Variants in F2R observed in about 807,000 individuals in gnomAD.
The protein encoded by F2R is coagulation factor II thrombin receptor.
A neutral mutation model predicts 18.3 loss-of-function variants in F2R; 12 were observed. The observed-to-expected ratio is 0.66, with a 90% CI of 0.42 to 1.06. The LOEUF is 1.06. F2R is among the 50% of genes least tolerant of loss of function. The probability of loss-of-function intolerance (pLI) is 0.00; values close to 1 mark genes in which losing one functional copy is unlikely to be tolerated. For synonymous variants in F2R, 210 were observed against 219.9 expected (o/e 0.95, Z 0.40); for missense variants, 438 against 530.8 (o/e 0.83, Z 1.72).
chr5:76,726,509 C>T (rs1286002396), intron 1 of F2R, among the ~76,000 whole-genome samples: 2 of 151,450 alleles, frequency 1.3e-5, no homozygotes, highest in African/African-American at 4.9e-5. Flanking sequence ...TGCAGTCCGG[C>T]CTGGGCGAAA....
chr5:76,724,916 A>G (rs1484808038), intron 1 of F2R, among the ~76,000 whole-genome samples: 2 of 152,238 alleles, frequency 1.3e-5, no homozygotes, highest in African/African-American at 4.8e-5. Flanking sequence ...AAAACATTCC[A>G]GTAATGCTGG....
At position 76,735,646 on chromosome 5, in the gene F2R, G is replaced by A. The variant is rs1748769788; in HGVS notation, c.*2143G>A. ...AAATCAGTGAAGATTTACTGTCATT[G>A]TTTATTAGTCTGTATATATTAAAAT... is the stretch of plus-strand genomic sequence containing the variant. On this transcript the variant is annotated 3_prime_UTR_variant, in exon 2 of 2. Coordinates refer to ENST00000319211, the MANE Select transcript of F2R (RefSeq NM_001992.5). The A allele has an allele frequency of 6.6e-6, 1 of 152,048 alleles. No homozygotes were observed. The highest frequency in any genetic ancestry group is 6.6e-5 in the Admixed American group (1 of 15,258). The allele number at this position is 152,048 out of a possible 1,614,324, so 9.4% of individuals were successfully genotyped here.
At chr5:76,728,725 C>T (rs917802698) in intron 1 of F2R, among the ~76,000 whole-genome samples, 8 of 125,666 alleles carry the variant, frequency 6.4e-5, no homozygotes, top group Non-Finnish European at 1.1e-4. Flanking sequence ...GGGTCTCGCT[C>T]TGTCGGCCAG....
intron 1 of F2R, among the ~76,000 whole-genome samples, chr5:76,717,130 G>A (rs1748362545): frequency 6.6e-6 from 1 of 152,204 alleles, no homozygotes; most frequent in Non-Finnish European, 1.5e-5. Flanking sequence ...ATTTCTTAAC[G>A]AGATTTCTGA....
Position 76,733,380 on chromosome 5 carries a change from C to A in F2R, c.1155C>A (p.Ile385=). ...SSECQRYVYS[I]LCCKESSDPS... The stretch of plus-strand genomic sequence containing the variant: ...AGTGCCAGAGGTACGTCTACAGTAT[C>A]TTATGCTGCAAAGAAAGTTCCGATC... Residue 385 remains isoleucine (I), a synonymous_variant, in exon 2 of 2, where the codon ATC becomes ATA. Transcript: ENST00000319211. 1.2e-6 allele frequency: 2 copies of A among 1,614,220 alleles called. No homozygotes were observed. The highest frequency in any genetic ancestry group is 2.2e-5 in the East Asian group (1 of 44,892).
chr5:76,730,403 C>T (rs577600427), intron 1 of F2R, among the ~76,000 whole-genome samples: 52 of 152,190 alleles, frequency 3.4e-4, no homozygotes, highest in African/African-American at 1.2e-3. Context: ...AAAAAGACTA[C>T]GGATTTTCTA....
chr5:76,728,016 G>T (rs773636578), intron 1 of F2R, among the ~76,000 whole-genome samples: 13 of 151,392 alleles, frequency 8.6e-5, no homozygotes, highest in Non-Finnish European at 1.9e-4. Context: ...GCTTCCCAAA[G>T]TGTTGAGATT....
rs997924151 is a variant in F2R, at chr5:76,717,381, A to AT, written c.88+994dup. Among the ~76,000 whole-genome samples, 120 of 152,158 alleles carry AT rather than the reference A, an allele frequency of 7.9e-4. 1 individual carries two copies. Among genetic ancestry groups the AT allele is most frequent in the African/African-American group, 2.7e-3 (114 of 41,518 alleles). On this transcript the variant is annotated intron_variant, in intron 1 of 1. Coordinates refer to ENST00000319211, the MANE Select transcript of F2R (RefSeq NM_001992.5). Reference sequence around the variant, plus strand: ...AATAGTATTTTATAAGCTTTGAGCCATTTTTTTTACGCTGAAAGAAGTTCT... The same window carrying AT: ...AATAGTATTTTATAAGCTTTGAGCCATTTTTTTTTACGCTGAAAGAAGTTCT...
intron 1 of F2R, 163 bp downstream of exon 1, chr5:76,716,558 G>C: frequency 2.8e-6 from 2 of 711,904 alleles, no homozygotes; most frequent in Non-Finnish European, 4.6e-6. Flanking sequence ...GTTTAGGTGG[G>C]GCGTGCCACC....
intron 1 of F2R, among the ~76,000 whole-genome samples, chr5:76,728,687 T>TC (rs1748616026): frequency 7.3e-6 from 1 of 137,682 alleles, no homozygotes; most frequent in African/African-American, 2.8e-5. Flanking sequence ...ATCCTGGTCT[T>TC]TTTTTTTTTT....
At chr5:76,728,006 G>T (rs1436642804) in intron 1 of F2R, among the ~76,000 whole-genome samples, 1 of 151,478 alleles carries the variant, frequency 6.6e-6, no homozygotes, top group Non-Finnish European at 1.5e-5. Flanking sequence ...TCCCACCTGG[G>T]CTTCCCAAAG....
At position 76,735,111 on chromosome 5, in the gene F2R, C is replaced by T. The variant is rs1319548796; in HGVS notation, c.*1608C>T. 2 of 152,260 alleles carry T rather than the reference C, an allele frequency of 1.3e-5. No homozygotes were observed. The highest frequency in any genetic ancestry group is 2.9e-5 in the Non-Finnish European group (2 of 68,018). 9.4% of individuals were successfully genotyped at this position (152,260 alleles called of 1,614,324 possible). A position where few individuals can be genotyped will look rare whatever the true frequency, so the allele number is the denominator to read the frequency against. On this transcript the variant is annotated 3_prime_UTR_variant, in exon 2 of 2. Coordinates refer to ENST00000319211, the MANE Select transcript of F2R (RefSeq NM_001992.5). ...AAGTAATTTGGAAATTAGGTTGAAACATATCTCTTATCTTACGAAAAAATG... is the reference window on the plus strand; with the variant it reads ...AAGTAATTTGGAAATTAGGTTGAAATATATCTCTTATCTTACGAAAAAATG...
chr5:76,733,617 C>T lies in F2R; in HGVS notation c.*114C>T, dbSNP rs1645243683. The stretch of plus-strand genomic sequence containing the variant: ...TTCACCTCCTAAAACAACAGATGTA[C>T]GACTTGCATACCTGCTTTTTATGGG... On this transcript the variant is annotated 3_prime_UTR_variant, in exon 2 of 2. Transcript: ENST00000319211. 1 of 796,946 alleles carries T rather than the reference C, an allele frequency of 1.3e-6. No homozygotes were observed. The highest frequency in any genetic ancestry group is 1.9e-6 in the Non-Finnish European group (1 of 516,938). The allele number at this position is 796,946 out of a possible 1,614,324, so 49.4% of individuals were successfully genotyped here. A position where few individuals can be genotyped will look rare whatever the true frequency, so the allele number is the denominator to read the frequency against.
At chr5:76,716,853 C>A in intron 1 of F2R, 1 of 518,690 alleles carries the variant, frequency 1.9e-6, no homozygotes, top group Non-Finnish European at 3.4e-6. Context: ...ATTTTACAGG[C>A]GAGAAAAGTG....
At chr5:76,716,532 A>G (rs778298477) in intron 1 of F2R, 137 bp downstream of exon 1, 99 of 794,898 alleles carry the variant, frequency 1.2e-4, no homozygotes, top group Non-Finnish European at 1.8e-4. Flanking sequence ...TGAGATCTGG[A>G]GTTTTTTCCA....
At position 76,732,597 on chromosome 5, in the gene F2R, C is replaced by T. The variant is rs1368549064; in HGVS notation, c.372C>T (p.Ile124=). ...GCCTCCCACTAAACATCATGGCCAT[C>T]GTTGTGTTCATCCTGAAAATGAAGG... ...VVSLPLNIMA[I]VVFILKMKVK... is the part of the protein sequence containing the mutation. Residue 124 remains isoleucine (I), a synonymous_variant, in exon 2 of 2, where the codon ATC becomes ATT. Coordinates refer to ENST00000319211, the MANE Select transcript of F2R (RefSeq NM_001992.5). 1 of 1,614,138 alleles carries T rather than the reference C, an allele frequency of 6.2e-7. No individual in the cohort carries two copies. The highest frequency in any genetic ancestry group is 2.2e-5 in the East Asian group (1 of 44,880).
chr5:76,731,560 C>T (rs1360224335), intron 1 of F2R, among the ~76,000 whole-genome samples: 1 of 150,692 alleles, frequency 6.6e-6, no homozygotes, highest in Non-Finnish European at 1.5e-5. Flanking sequence ...GACGGAGTCT[C>T]ACTCTGTCGC....
intron 1 of F2R, among the ~76,000 whole-genome samples, 180 bp from the exon 2 acceptor site, chr5:76,732,134 A>G (rs960250186): frequency 2.6e-5 from 4 of 152,194 alleles, no homozygotes; most frequent in Non-Finnish European, 5.9e-5. Context: ...CAAATGTTTC[A>G]CAGTATTTTG....
chr5:76,716,364 G>A lies in F2R; in HGVS notation c.57G>A (p.Leu19=). 6.8e-7 allele frequency: 1 copy of A among 1,464,578 alleles called. No homozygotes were observed. The highest frequency in any genetic ancestry group is 1.3e-5 in the South Asian group (1 of 74,220). The allele number at this position is 1,464,578 out of a possible 1,614,324, so 90.7% of individuals were successfully genotyped here. The change falls in exon 1 of 2, where the codon CTG becomes CTA. Residue 19 remains leucine (L), a synonymous_variant. Transcript: ENST00000319211. The part of the protein sequence containing the change: ...VAACFSLCGP[L]LSARTRARRP... ...CCTGCTTCAGTCTGTGCGGCCCGCT[G>A]TTGTCTGCCCGCACCCGGGCCCGCA...
Sources: allele counts gnomAD v4.1 joint callset (sites outside exome capture counted in the v4.1 genomes callset), GRCh38; gene constraint gnomAD v4.1.1; transcripts MANE v1.5; gene names NCBI Gene and HGNC (gene_info 2026-07-23, HGNC 2026-07-21).